Variants in SKAP2 observed in about 807,000 individuals in gnomAD.
SKAP2 encodes the protein src kinase associated phosphoprotein 2, also known as src kinase-associated phosphoprotein 2.
A neutral mutation model predicts 54.9 loss-of-function variants in SKAP2; 28 were observed. That is an observed-to-expected ratio of 0.51 (90% CI 0.38 to 0.70). The LOEUF (loss-of-function observed/expected upper bound fraction) is 0.70. SKAP2 is among the 30% of genes least tolerant of loss of function. The pLI, the probability that SKAP2 is intolerant of heterozygous loss-of-function variation, is 0.00. For missense variants in SKAP2, 356 were observed against 424.1 expected (o/e 0.84, Z 1.41); for synonymous variants, 137 against 134.3 (o/e 1.02, Z -0.14).
intron 4 of SKAP2, among the ~76,000 whole-genome samples, chr7:26,842,613 T>C (rs971508596): frequency 7.9e-5 from 12 of 151,820 alleles, no homozygotes; most frequent in African/African-American, 2.9e-4. Context: ...TCTCTCTTAG[T>C]ATAAATATTC....
chr7:26,863,354 T>C (rs995625167), intron 1 of SKAP2, among the ~76,000 whole-genome samples: 3 of 152,170 alleles, frequency 2.0e-5, no homozygotes, highest in African/African-American at 7.2e-5. Context: ...TCATAAGCAA[T>C]ACTGAGAGAT....
intron 6 of SKAP2, among the ~76,000 whole-genome samples, chr7:26,735,350 A>G (rs11772673): frequency 0.68 from 103,827 of 152,110 alleles, 35,732 homozygotes; most frequent in East Asian, 0.88. Flanking sequence ...TGAAAGGATG[A>G]ATAAGATTTC....
intron 4 of SKAP2, among the ~76,000 whole-genome samples, chr7:26,784,125 C>CA (rs376577431): frequency 0.023 from 3,182 of 138,774 alleles, 101 homozygotes; most frequent in African/African-American, 0.077. Context: ...AGGGACATTC[C>CA]AAAAAAAAAA....
intron 6 of SKAP2, among the ~76,000 whole-genome samples, chr7:26,731,446 C>G (rs951470925): frequency 2.0e-5 from 3 of 152,144 alleles, no homozygotes; most frequent in African/African-American, 7.2e-5. Flanking sequence ...AGCTATGATG[C>G]GTTGTTCTAA....
chr7:26,670,982 G>C (rs942945155), intron 11 of SKAP2, among the ~76,000 whole-genome samples: 1 of 152,000 alleles, frequency 6.6e-6, no homozygotes, highest in Admixed American at 6.6e-5. Context: ...CAGAGTGGTC[G>C]ATGAGTCACT....
chr7:26,726,707 T>A, intron 7 of SKAP2, 175 bp downstream of exon 7: 1 of 482,884 alleles, frequency 2.1e-6, no homozygotes, highest in Non-Finnish European at 3.5e-6. Context: ...TGAATTAATC[T>A]GAAATTTTTA....
rs553935937 is a variant in SKAP2, at chr7:26,797,598, T to C, written c.307+46432A>G. Among the ~76,000 whole-genome samples the C allele has an allele frequency of 2.2e-4, 33 of 152,106 alleles. No homozygotes were observed. The East Asian group carries it at 6.4e-3, about 30-fold the overall frequency. On this transcript the variant is annotated intron_variant, in intron 4 of 12. Coordinates refer to ENST00000345317, the MANE Select transcript of SKAP2 (RefSeq NM_003930.5). ...ATAAATAAGCCCAAACAGTGAAGACTACAACAAATGGCCAGATACTGAAGA... is the reference window on the plus strand; with the variant it reads ...ATAAATAAGCCCAAACAGTGAAGACCACAACAAATGGCCAGATACTGAAGA...
At chr7:26,837,637 T>C (rs934880043) in intron 4 of SKAP2, among the ~76,000 whole-genome samples, 2 of 152,134 alleles carry the variant, frequency 1.3e-5, no homozygotes, top group African/African-American at 4.8e-5. Flanking sequence ...CCTCCAGCAC[T>C]GGGAATTACA....
chr7:26,722,031 G>C (rs1787589739), intron 9 of SKAP2, among the ~76,000 whole-genome samples: 1 of 152,106 alleles, frequency 6.6e-6, no homozygotes, highest in African/African-American at 2.4e-5. Flanking sequence ...ACACAAATAT[G>C]CTATAGTATT....
chr7:26,654,933 G>A, the SKAP2 span, among the ~76,000 whole-genome samples: 3 of 152,206 alleles, frequency 2.0e-5, no homozygotes, highest in African/African-American at 7.2e-5. Context: ...GTTGAATTCA[G>A]TGATCCAGGG....
intron 4 of SKAP2, among the ~76,000 whole-genome samples, chr7:26,801,348 G>T (rs1209794821): frequency 6.6e-6 from 1 of 152,026 alleles, no homozygotes; most frequent in East Asian, 1.9e-4. Context: ...GGTATAGAAG[G>T]AACATATCTC....
At chr7:26,746,949 T>C (rs1464720819) in intron 4 of SKAP2, among the ~76,000 whole-genome samples, 1 of 152,208 alleles carries the variant, frequency 6.6e-6, no homozygotes, top group African/African-American at 2.4e-5. Context: ...TGGCCTGGAA[T>C]ATGTATGAGA....
chr7:26,725,715 G>C (rs1562588463), intron 8 of SKAP2, 150 bp from the exon 9 acceptor site: 2 of 974,056 alleles, frequency 2.1e-6, no homozygotes, highest in East Asian at 5.3e-5. Flanking sequence ...AAATTGTTTT[G>C]TAAATATGTG....
the SKAP2 span, among the ~76,000 whole-genome samples, chr7:26,657,836 C>T: frequency 1.3e-5 from 2 of 149,358 alleles, no homozygotes; most frequent in East Asian, 4.0e-4. Context: ...TCCTGATCTC[C>T]TCTTTCTTTC....
intron 4 of SKAP2, among the ~76,000 whole-genome samples, chr7:26,775,530 CGTGTGTGTGTGTGTGTGTGT>C (rs59902431): frequency 8.9e-5 from 13 of 146,304 alleles, no homozygotes; most frequent in Non-Finnish European, 1.8e-4. Flanking sequence ...TTTACTTGTA[CGTGTGTGTGTGTGTGTGTGT>C]GTGTGTGTGT....
At position 26,725,465 on chromosome 7, in the gene SKAP2, A is replaced by G. The variant is rs376687751; in HGVS notation, c.759T>C (p.Ser253=). Residue 253 remains serine, a synonymous_variant, in exon 9 of 13, where the codon AGT becomes AGC. Transcript: ENST00000345317. ...PLPISNPLTS[S]QPIDDEIYEE... ...CATAAATTTCATCATCTATTGGTTGACTGCTTGTTAGTGGATTGCTTATTG... is the reference window on the plus strand; with the variant it reads ...CATAAATTTCATCATCTATTGGTTGGCTGCTTGTTAGTGGATTGCTTATTG... 2.0e-5 allele frequency: 33 copies of G among 1,611,842 alleles called. No individual in the cohort carries two copies. The highest frequency in any genetic ancestry group is 2.7e-5 in the African/African-American group (2 of 74,832).
At chr7:26,751,648 T>C (rs1782684483) in intron 4 of SKAP2, among the ~76,000 whole-genome samples, 1 of 152,140 alleles carries the variant, frequency 6.6e-6, no homozygotes, top group South Asian at 2.1e-4. Flanking sequence ...TTCTCCCCTC[T>C]CTCTTACAGA....
At chr7:26,796,158 T>C (rs1783773415) in intron 4 of SKAP2, among the ~76,000 whole-genome samples, 1 of 152,232 alleles carries the variant, frequency 6.6e-6, no homozygotes, top group Non-Finnish European at 1.5e-5. Flanking sequence ...CCACAGATCA[T>C]ACATGATGCT....
the SKAP2 span, among the ~76,000 whole-genome samples, chr7:26,656,026 C>A: frequency 1.3e-5 from 2 of 152,104 alleles, no homozygotes; most frequent in Admixed American, 1.3e-4. Flanking sequence ...TACGTCCCCC[C>A]AAAGACAGGG....
Sources: allele counts gnomAD v4.1 joint callset (sites outside exome capture counted in the v4.1 genomes callset), GRCh38; gene constraint gnomAD v4.1.1; transcripts MANE v1.5; gene names NCBI Gene and HGNC (gene_info 2026-07-23, HGNC 2026-07-21).